The following POT1 variants were observed in gnomAD, a reference collection of about 807,000 sequenced individuals.
POT1 encodes protection of telomeres 1.
A neutral mutation model predicts 78.5 loss-of-function variants in POT1; 47 were observed. That is an observed-to-expected ratio of 0.60 (90% CI 0.47 to 0.76). The LOEUF is 0.76. POT1 is among the 30% of genes least tolerant of loss of function. POT1 has a pLI of 0.00. For missense variants in POT1, 646 were observed against 749.9 expected, an observed-to-expected ratio of 0.86 and a Z score of 1.62; for synonymous variants, 259 against 260.7, an observed-to-expected ratio of 0.99 and a Z score of 0.06.
At chr7:124,874,531 A>C (rs897368273) in intron 6 of POT1, among the ~76,000 whole-genome samples, 1 of 152,030 alleles carries the variant, frequency 6.6e-6, no homozygotes, top group African/African-American at 2.4e-5. Context: ...TCCGCAGTTA[A>C]AGACCAGCCT....
chr7:124,870,863 CAG>C (rs1198380978), intron 7 of POT1, 46 bp downstream of exon 7: 2 of 1,463,126 alleles, frequency 1.4e-6, no homozygotes. Flanking sequence ...GTGAACAATA[CAG>C]AGTTCTCTTC....
intron 15 of POT1, among the ~76,000 whole-genome samples, chr7:124,834,139 A>ATTAGTTCAATCTTTGTGG (rs1319828205): frequency 4.0e-5 from 6 of 151,746 alleles, no homozygotes; most frequent in African/African-American, 1.5e-4. Flanking sequence ...TAAGACCTAA[A>ATTAGTTCAATCTTTGTGG]ACCATAAAAA....
At chr7:124,879,979 C>G (rs1796080405) in intron 6 of POT1, among the ~76,000 whole-genome samples, 1 of 152,048 alleles carries the variant, frequency 6.6e-6, no homozygotes, top group African/African-American at 2.4e-5. Flanking sequence ...TTTCCCCAAA[C>G]ACTATACTGG....
chr7:124,866,791 T>G (rs1162555459), intron 7 of POT1, among the ~76,000 whole-genome samples: 1 of 152,180 alleles, frequency 6.6e-6, no homozygotes, highest in Non-Finnish European at 1.5e-5. Flanking sequence ...AAAAAACAGT[T>G]GCCTCATAAC....
chr7:124,822,629 T>A lies in POT1; in HGVS notation c.*1333A>T. 1 of 416,220 alleles carries A rather than the reference T, an allele frequency of 2.4e-6. No individual in the cohort carries two copies. Among genetic ancestry groups the A allele is most frequent in the Non-Finnish European group, 5.0e-6 (1 of 201,514 alleles). 25.8% of individuals were successfully genotyped at this position (416,220 alleles called of 1,614,324 possible). A position where few individuals can be genotyped will look rare whatever the true frequency, so the allele number is the denominator to read the frequency against. On this transcript the variant is annotated 3_prime_UTR_variant, in exon 19 of 19. Transcript: ENST00000357628. ...ACACGGAAACACACCTGTTCAACTG[T>A]AGGGTTTTAAAATATTTTTCCTGAA...
At chr7:124,842,694 A>G in intron 13 of POT1, 113 bp downstream of exon 13, 1 of 808,536 alleles carries the variant, frequency 1.2e-6, no homozygotes, top group Non-Finnish European at 1.7e-6. Flanking sequence ...TTCTTGCAAA[A>G]TATAATATAT....
intron 8 of POT1, among the ~76,000 whole-genome samples, chr7:124,860,415 G>GT (rs1312272196): frequency 6.6e-6 from 1 of 151,812 alleles, no homozygotes; most frequent in African/African-American, 2.4e-5. Flanking sequence ...GTTAGTATTT[G>GT]TTTTTTTCTA....
At chr7:124,844,393 T>G (rs911163539) in intron 12 of POT1, among the ~76,000 whole-genome samples, 1 of 148,914 alleles carries the variant, frequency 6.7e-6, no homozygotes, top group Non-Finnish European at 1.5e-5. Flanking sequence ...CCTCCCAAAG[T>G]GCTGGGATTA....
intron 14 of POT1, among the ~76,000 whole-genome samples, chr7:124,839,216 C>T (rs1466752048): frequency 2.6e-5 from 4 of 152,034 alleles, no homozygotes; most frequent in Admixed American, 6.6e-5. Flanking sequence ...AGAAATGGTA[C>T]TGGAAAACTG....
At chr7:124,884,851 T>C (rs923872425) in intron 6 of POT1, among the ~76,000 whole-genome samples, 1 of 152,230 alleles carries the variant, frequency 6.6e-6, no homozygotes, top group African/African-American at 2.4e-5. Flanking sequence ...ACATTTGTTT[T>C]ATTTTGTAAG....
Position 124,897,184 on chromosome 7 carries a change from G to T in POT1, c.-11C>A. 1 of 1,449,270 alleles carries T rather than the reference G, an allele frequency of 6.9e-7. No homozygotes were observed. Among genetic ancestry groups the T allele is most frequent in the Non-Finnish European group, 9.6e-7 (1 of 1,046,738 alleles). The allele number at this position is 1,449,270 out of a possible 1,614,324, so 89.8% of individuals were successfully genotyped here. ...TCTTACCAAAGACATTGATTCTGTA[G>T]AAAAATCTCTTAAAGATTTGACATA... On this transcript the variant is annotated 5_prime_UTR_variant, in exon 5 of 19. Transcript: ENST00000357628.
At chr7:124,895,815 T>G (rs1037506817) in intron 5 of POT1, among the ~76,000 whole-genome samples, 3 of 151,530 alleles carry the variant, frequency 2.0e-5, no homozygotes, top group African/African-American at 4.8e-5. Flanking sequence ...TCCAGGAGGT[T>G]TGGATGGCTG....
At chr7:124,900,094 A>G (rs1306416290) in intron 3 of POT1, among the ~76,000 whole-genome samples, 2 of 152,184 alleles carry the variant, frequency 1.3e-5, no homozygotes, top group African/African-American at 4.8e-5. Flanking sequence ...TGCATTTATT[A>G]TATTCATAAA....
At chr7:124,904,880 A>G (rs187371910) in intron 3 of POT1, among the ~76,000 whole-genome samples, 24 of 152,276 alleles carry the variant, frequency 1.6e-4, no homozygotes, top group Admixed American at 3.9e-4. Context: ...TCATGAGTGA[A>G]CTCCCATTCA....
At chr7:124,867,412 C>T (rs1795755235) in intron 7 of POT1, among the ~76,000 whole-genome samples, 1 of 152,132 alleles carries the variant, frequency 6.6e-6, no homozygotes, top group South Asian at 2.1e-4. Context: ...TTACCTACCA[C>T]AATTTCATCT....
intron 2 of POT1, among the ~76,000 whole-genome samples, chr7:124,918,694 T>C (rs1371900933): frequency 1.3e-5 from 2 of 152,194 alleles, no homozygotes; most frequent in East Asian, 1.9e-4. Flanking sequence ...GAGAGACTGA[T>C]GTCCCAGAAT....
At chr7:124,884,839 A>G (rs1017934535) in intron 6 of POT1, among the ~76,000 whole-genome samples, 2 of 152,204 alleles carry the variant, frequency 1.3e-5, no homozygotes, top group Admixed American at 1.3e-4. Context: ...TATGGTCTGA[A>G]TACATTTGTT....
intron 7 of POT1, among the ~76,000 whole-genome samples, chr7:124,864,719 G>C (rs1795679472): frequency 6.6e-6 from 1 of 151,876 alleles, no homozygotes. Flanking sequence ...CTTTTCAATG[G>C]TAGAATTCCA....
chr7:124,835,516 T>C (rs1490484843), intron 14 of POT1, 102 bp from the exon 15 acceptor site: 80 of 1,275,790 alleles, frequency 6.3e-5, no homozygotes, highest in Non-Finnish European at 7.2e-5. Context: ...ACTAAAGGAA[T>C]TGACAGAAAA....
Sources: allele counts gnomAD v4.1 joint callset (sites outside exome capture counted in the v4.1 genomes callset), GRCh38; gene constraint gnomAD v4.1.1; transcripts MANE v1.5; gene names NCBI Gene and HGNC (gene_info 2026-07-23, HGNC 2026-07-21).